Variants in NOTCH2 observed in about 807,000 individuals in gnomAD.
The protein encoded by NOTCH2 is neurogenic locus notch homolog protein 2.
In NOTCH2, 29 loss-of-function variants were observed where a neutral mutation model predicts 235.8. The ratio of observed to expected loss-of-function variants is 0.12; its 90% CI spans 0.09 to 0.17. The LOEUF (loss-of-function observed/expected upper bound fraction) is 0.17. NOTCH2 is among the 10% of genes least tolerant of loss of function. NOTCH2 has a pLI of 1.00. For missense variants in NOTCH2, 2,285 were observed against 3,150.2 expected (o/e 0.73, Z 6.57); for synonymous variants, 1,086 against 1,141.5 (o/e 0.95, Z 0.98).
intron 4 of NOTCH2, among the ~76,000 whole-genome samples, chr1:119,989,601 TA>T (rs1368105008): frequency 5.3e-5 from 8 of 151,540 alleles, no homozygotes; most frequent in African/African-American, 7.3e-5. Context: ...ATTTAGGATA[TA>T]TTTTTTAAAA....
intron 10 of NOTCH2, among the ~76,000 whole-genome samples, 192 bp downstream of exon 10, chr1:119,965,261 G>C (rs1651091835): frequency 6.6e-6 from 1 of 152,342 alleles, no homozygotes; most frequent in Admixed American, 6.5e-5. Context: ...CCAGACCACT[G>C]TTGTGGTGGA....
Position 119,921,592 on chromosome 1 carries a change from G to C in NOTCH2, c.5310+121C>G, listed in dbSNP as rs1649286039. The C allele has an allele frequency of 4.8e-6, 4 of 834,270 alleles. No individual in the cohort carries two copies. In the Admixed American group the frequency reaches 5.7e-5, roughly 12 times the overall value. The allele number at this position is 834,270 out of a possible 1,614,324, so 51.7% of individuals were successfully genotyped here. ...GAGAACCTAGGATAGTTATTGTCTG[G>C]GTAAGACATCAAGACTATCACTCTT... On this transcript the variant is annotated intron_variant, in intron 29 of 33. Transcript: ENST00000256646.
At chr1:119,973,305 G>A (rs2045290696) in intron 5 of NOTCH2, among the ~76,000 whole-genome samples, 1 of 152,094 alleles carries the variant, frequency 6.6e-6, no homozygotes, top group Non-Finnish European at 1.5e-5. Context: ...ACAGTAACCA[G>A]GGTGGCCATA....
chr1:119,985,037 C>G (rs782164338), intron 5 of NOTCH2, among the ~76,000 whole-genome samples: 12 of 152,090 alleles, frequency 7.9e-5, no homozygotes, highest in Non-Finnish European at 1.5e-4. Flanking sequence ...GCAGTATGTA[C>G]AGGAAAACTG....
intron 1 of NOTCH2, among the ~76,000 whole-genome samples, chr1:120,030,260 A>T (rs1306579520): frequency 1.3e-5 from 2 of 151,922 alleles, no homozygotes; most frequent in Admixed American, 1.3e-4. Context: ...TCCCAATTAA[A>T]AATTAAAGCC....
Position 119,919,536 on chromosome 1 carries a change from C to T in NOTCH2, c.5557G>A (p.Asp1853Asn), listed in dbSNP as rs201094615. The change falls in exon 31 of 34, where the codon GAC becomes AAC. Residue 1853 changes from aspartate to asparagine, a missense_variant. Asp to Asn is a conservative substitution (Grantham distance 23). Transcript: ENST00000256646. ...DLSDEDEDAEDSSANIITDLV... is the reference protein window; with the variant it reads ...DLSDEDEDAENSSANIITDLV... ...TCTGTGATGATGTTAGCAGAAGAGT[C>T]CTCTGCATCTTCATCTTCATCACTC... 2 of 1,614,080 alleles carry T rather than the reference C, an allele frequency of 1.2e-6. No individual in the cohort carries two copies. Among genetic ancestry groups the T allele is most frequent in the Admixed American group, 1.7e-5 (1 of 60,030 alleles).
At chr1:119,963,386 T>TCTCTGACTTCTC (rs1553199268) in intron 11 of NOTCH2, among the ~76,000 whole-genome samples, 188 bp downstream of exon 11, 1 of 152,250 alleles carries the variant, frequency 6.6e-6, no homozygotes, top group East Asian at 1.9e-4. Flanking sequence ...AGAGCTATTG[T>TCTCTGACTTCTC]CTCTGACTTC....
In NOTCH2 at chr1:119,916,486, G is replaced by C. The variant is rs774122067; in HGVS notation, c.6236C>G (p.Ala2079Gly). ...GGGCCCACAGATGACAGGTGAGAGAGCAGAAGTCAACACGGTGCCTGGAGG... is the reference window on the plus strand; with the variant it reads ...GGGCCCACAGATGACAGGTGAGAGACCAGAAGTCAACACGGTGCCTGGAGG... ...PSPPGTVLTS[A>G]LSPVICGPNR... Residue 2079 changes from alanine (A) to glycine (G), a missense_variant, in exon 34 of 34, where the codon GCT becomes GGT. Coordinates refer to ENST00000256646, the MANE Select transcript of NOTCH2 (RefSeq NM_024408.4). The C allele has an allele frequency of 5.0e-6, 8 of 1,612,550 alleles. No homozygotes were observed. Among genetic ancestry groups the C allele is most frequent in the Non-Finnish European group, 5.1e-6 (6 of 1,178,686 alleles).
intron 2 of NOTCH2, among the ~76,000 whole-genome samples, chr1:120,009,730 T>C (rs1381835033): frequency 6.7e-6 from 1 of 148,696 alleles, no homozygotes; most frequent in African/African-American, 2.6e-5. Context: ...CCACGCACCG[T>C]TTTAATCATT....
In NOTCH2 at chr1:119,967,495, G is replaced by C; in HGVS notation, c.1391C>G (p.Pro464Arg). The change falls in exon 8 of 34, where the codon CCC becomes CGC. Residue 464 changes from proline to arginine, a missense_variant. This residue lies in a region of NOTCH2 where 431 missense variants were observed against 757.8 expected (regional missense o/e 0.57). Transcript: ENST00000256646. ...EMDINECHSD[P>R]CQNDATCLDK... Reference sequence around the variant, plus strand: ...CAGACAGGTAGCATCATTCTGGCAGGGGTCTGAATGGCACTCATTGATGTC... The same window carrying C: ...CAGACAGGTAGCATCATTCTGGCAGCGGTCTGAATGGCACTCATTGATGTC... The C allele has an allele frequency of 6.2e-7, 1 of 1,614,054 alleles. No individual in the cohort carries two copies. The highest frequency in any genetic ancestry group is 8.5e-7 in the Non-Finnish European group (1 of 1,179,934).
At chr1:120,041,282 T>TC (rs1264065936) in intron 1 of NOTCH2, among the ~76,000 whole-genome samples, 7 of 119,466 alleles carry the variant, frequency 5.9e-5, no homozygotes, top group Non-Finnish European at 8.2e-5. Context: ...ACGCCAGTCC[T>TC]CCAACTCCAT....
At chr1:119,926,297 A>T (rs757636266) in intron 24 of NOTCH2, among the ~76,000 whole-genome samples, 3 of 152,212 alleles carry the variant, frequency 2.0e-5, no homozygotes, top group Non-Finnish European at 4.4e-5. Flanking sequence ...GAGTGTCTAA[A>T]CAGCTTTTAT....
intron 12 of NOTCH2, among the ~76,000 whole-genome samples, chr1:119,958,017 T>A (rs57257204): frequency 0.05 from 7,684 of 152,258 alleles, 310 homozygotes; most frequent in South Asian, 0.11. Context: ...GGTTTCTTAT[T>A]CTGTAGGTAT....
rs1553196323 is a variant in NOTCH2 at position 119,940,583 on chromosome 1, G to A, written c.3155C>T (p.Pro1052Leu). ...DGLGTYRCSC[P>L]LGYTGKNCQT... ...ACAGTTTTTCCCAGTGTAGCCCAGG[G>A]GGCAGCTGCAGCGGTAGGTACCCAG... Residue 1052 changes from proline to leucine, a missense_variant, in exon 19 of 34, where the codon CCC becomes CTC. This residue lies in a region of NOTCH2 where 1,173 missense variants were observed against 1,515.3 expected (regional missense o/e 0.77). Coordinates refer to ENST00000256646, the MANE Select transcript of NOTCH2 (RefSeq NM_024408.4). 4 of 1,613,922 alleles carry A rather than the reference G, an allele frequency of 2.5e-6. No homozygotes were observed. Among genetic ancestry groups the A allele is most frequent in the South Asian group, 2.2e-5 (2 of 91,060 alleles).
chr1:119,917,668 G>T lies in NOTCH2; in HGVS notation c.6024C>A (p.Asn2008Lys), dbSNP rs1265824460. Reference sequence around the variant, plus strand: ...GCTCAGAGCCCACAAACTGTACCTTGTTGTCCTGCATGTCTCGGTTGGCCC... The same window carrying T: ...GCTCAGAGCCCACAAACTGTACCTTTTTGTCCTGCATGTCTCGGTTGGCCC... ...KNGANRDMQD[N>K]KEETPLFLAA... The change falls in exon 33 of 34, where the codon AAC (asparagine) becomes AAA (lysine). Residue 2008 changes from asparagine (N) to lysine (K), a missense_variant. Physicochemically the swap from Asn to Lys is moderately conservative, Grantham distance 94 (BLOSUM62 0). Coordinates refer to ENST00000256646, the MANE Select transcript of NOTCH2 (RefSeq NM_024408.4). The T allele has an allele frequency of 1.2e-6, 2 of 1,607,996 alleles. No individual in the cohort carries two copies. The highest frequency in any genetic ancestry group is 1.7e-6 in the Non-Finnish European group (2 of 1,174,676).
chr1:119,962,640 C>CCT (rs1342172393), intron 11 of NOTCH2, among the ~76,000 whole-genome samples: 3 of 152,072 alleles, frequency 2.0e-5, no homozygotes, highest in African/African-American at 7.2e-5. Flanking sequence ...AGCTAACTAC[C>CCT]CTCTCCACCT....
Position 119,953,641 on chromosome 1 carries a change from A to T in NOTCH2, c.2267T>A (p.Val756Glu). The T allele has an allele frequency of 6.2e-7, 1 of 1,614,166 alleles. No individual in the cohort carries two copies. ...ATTCGAAAGGCATTCATTTTTGTCC[A>T]CTTCACAGTTGATGCCAACCCAGCC... ...DAGWVGINCE[V>E]DKNECLSNPC... Residue 756 changes from valine (V) to glutamate (E), a missense_variant, in exon 14 of 34, where the codon GTG becomes GAG. Coordinates refer to ENST00000256646, the MANE Select transcript of NOTCH2 (RefSeq NM_024408.4).
At chr1:120,068,564 T>G in intron 1 of NOTCH2, among the ~76,000 whole-genome samples, 3 of 91,694 alleles carry the variant, frequency 3.3e-5, no homozygotes, top group Non-Finnish European at 2.2e-5. Context: ...TGCTGCCAGG[T>G]TGGAGGAATT....
At chr1:120,015,068 C>G (rs868969546) in intron 2 of NOTCH2, among the ~76,000 whole-genome samples, 2 of 150,684 alleles carry the variant, frequency 1.3e-5, no homozygotes, top group African/African-American at 4.9e-5. Flanking sequence ...CAAAATCCCA[C>G]CACATACAAG....
Sources: gnomAD v4.1 joint callset for allele counts (sites outside exome capture counted in the v4.1 genomes callset) on GRCh38, gnomAD v4.1.1 for gene constraint, gnomAD v4.1.1 regional missense constraint, MANE v1.5 for transcripts, NCBI Gene and HGNC (gene_info 2026-07-23, HGNC 2026-07-21) for gene names.